The following MEGF9 variants were observed in gnomAD, a reference collection of about 807,000 sequenced individuals.
The protein encoded by MEGF9 is multiple EGF like domains 9.
Under a neutral mutation model 46.8 loss-of-function variants are expected in MEGF9, and 6 were observed. The ratio of observed to expected loss-of-function variants is 0.13; its 90% CI spans 0.07 to 0.25. The LOEUF (loss-of-function observed/expected upper bound fraction) is 0.25. Ranked by LOEUF, MEGF9 falls within the 10% of genes least tolerant of loss-of-function variation. The pLI, the probability that MEGF9 is intolerant of heterozygous loss-of-function variation, is 1.00. For synonymous variants in MEGF9, 302 were observed against 330.7 expected, an observed-to-expected ratio of 0.91 and a Z score of 0.94; for missense variants, 683 against 792.4, an observed-to-expected ratio of 0.86 and a Z score of 1.66.
intron 1 of MEGF9, among the ~76,000 whole-genome samples, chr9:120,662,294 C>A (rs966244335): frequency 8.5e-5 from 13 of 152,192 alleles, no homozygotes. Flanking sequence ...TGTCTCTGAA[C>A]CTTTGCTTAT....
chr9:120,611,865 A>AGAGAG (rs572613293), intron 4 of MEGF9, among the ~76,000 whole-genome samples: 1 of 137,154 alleles, frequency 7.3e-6, no homozygotes, highest in African/African-American at 3.0e-5. Flanking sequence ...GGAAGGAAGA[A>AGAGAG]AGAGAGAGAG....
At position 120,609,288 on chromosome 9, in the gene MEGF9, G is replaced by A. The variant is rs2043434059; in HGVS notation, c.1088-1278C>T. Among the ~76,000 whole-genome samples, 4 of 105,296 alleles carry A rather than the reference G, an allele frequency of 3.8e-5. No individual in the cohort carries two copies. The Admixed American group carries it at 4.8e-4, about 13-fold the overall frequency. The allele number at this position is 105,296 out of a possible 152,430, so 69.1% of individuals were successfully genotyped here. ...TTTGTACATACTACTTTCTCTGCAT[G>A]GGACATCCTCTTGTCTCTCTTTCTA... is the stretch of plus-strand genomic sequence containing the variant. On this transcript the variant is annotated intron_variant, in intron 4 of 5. Transcript: ENST00000373930.
rs1407411324 is a variant in MEGF9 at position 120,688,127 on chromosome 9, CGCA to C, written c.601+25628_601+25630del. Among the ~76,000 whole-genome samples the C allele has an allele frequency of 1.0e-3, 125 of 124,728 alleles. 1 individual carries two copies. Among genetic ancestry groups the C allele is most frequent in the African/African-American group, 3.5e-3 (120 of 34,096 alleles). The allele number at this position is 124,728 out of a possible 152,430, so 81.8% of individuals were successfully genotyped here. ...ATCTCTGAATGCATCATCTCCTCTC[CGCA>C]ACACACACACACACACACACACACA... On this transcript the variant is annotated intron_variant, in intron 1 of 5. Transcript: ENST00000373930.
intron 2 of MEGF9, among the ~76,000 whole-genome samples, chr9:120,627,472 T>G (rs1206729039): frequency 3.3e-5 from 5 of 152,206 alleles, no homozygotes; most frequent in Non-Finnish European, 7.3e-5. Flanking sequence ...CCTTTTTCTT[T>G]TTTTTGAGAT....
At chr9:120,618,278 A>G (rs1422056776) in intron 3 of MEGF9, among the ~76,000 whole-genome samples, 1 of 152,200 alleles carries the variant, frequency 6.6e-6, no homozygotes, top group African/African-American at 2.4e-5. Flanking sequence ...TGAACTGAGG[A>G]AGATGTAGTA....
At chr9:120,704,656 T>C (rs1473242148) in intron 1 of MEGF9, among the ~76,000 whole-genome samples, 1 of 152,168 alleles carries the variant, frequency 6.6e-6, no homozygotes, top group East Asian at 1.9e-4. Flanking sequence ...TATTCACCAA[T>C]AAAAGTACAG....
chr9:120,605,097 C>G lies in MEGF9; in HGVS notation c.*93G>C, dbSNP rs1364344365. The G allele has an allele frequency of 1.5e-5, 20 of 1,322,488 alleles. No homozygotes were observed. Among genetic ancestry groups the G allele is most frequent in the Non-Finnish European group, 2.0e-5 (19 of 966,500 alleles). The allele number at this position is 1,322,488 out of a possible 1,614,324, so 81.9% of individuals were successfully genotyped here. ...CAGATGCACTATTTGCCTTTGCTTT[C>G]TCAGCAAACTCTAGCCAGGCTTTGT... On this transcript the variant is annotated 3_prime_UTR_variant, in exon 6 of 6. Transcript: ENST00000373930. This position sits in a 1 kb window ranked among gnomAD's most constrained non-coding sequence, Gnocchi z 4.0.
At chr9:120,615,810 C>T (rs771861416) in intron 3 of MEGF9, among the ~76,000 whole-genome samples, 75 of 151,990 alleles carry the variant, frequency 4.9e-4, no homozygotes, top group African/African-American at 1.7e-3. Context: ...GGGAGGATCG[C>T]TTGAGTCTGG....
intron 2 of MEGF9, among the ~76,000 whole-genome samples, chr9:120,632,336 G>A (rs1313262606): frequency 7.5e-6 from 1 of 132,982 alleles, no homozygotes; most frequent in African/African-American, 2.7e-5. Flanking sequence ...ATTCCTAAGT[G>A]TTTTTTTTTT....
At chr9:120,664,839 T>G (rs2043717951) in intron 1 of MEGF9, among the ~76,000 whole-genome samples, 1 of 152,232 alleles carries the variant, frequency 6.6e-6, no homozygotes. Context: ...AAAACTCAAT[T>G]TCTGAGTCCT....
At chr9:120,638,484 C>T (rs2043588618) in intron 2 of MEGF9, among the ~76,000 whole-genome samples, 2 of 152,040 alleles carry the variant, frequency 1.3e-5, no homozygotes. Context: ...TCCTTTATAC[C>T]CAAGTTCTAA....
chr9:120,708,006 C>G (rs1263093358), intron 1 of MEGF9, among the ~76,000 whole-genome samples: 1 of 152,066 alleles, frequency 6.6e-6, no homozygotes, highest in Non-Finnish European at 1.5e-5. Context: ...GACGGTGCCA[C>G]TGCACTCCAG....
At chr9:120,639,508 TAAAAAAAAA>T (rs61638928) in intron 2 of MEGF9, among the ~76,000 whole-genome samples, 2 of 105,182 alleles carry the variant, frequency 1.9e-5, no homozygotes, top group African/African-American at 3.9e-5. Flanking sequence ...ACTCCGTCTT[TAAAAAAAAA>T]AAAAAAAAAA....
intron 2 of MEGF9, among the ~76,000 whole-genome samples, chr9:120,642,858 A>T (rs917149396): frequency 2.0e-5 from 3 of 152,244 alleles, no homozygotes; most frequent in Admixed American, 6.5e-5. Context: ...TGCTTTTGGC[A>T]ATGTGAGAAA....
chr9:120,682,325 T>G (rs191895200), intron 1 of MEGF9, among the ~76,000 whole-genome samples: 85 of 152,334 alleles, frequency 5.6e-4, no homozygotes, highest in African/African-American at 1.9e-3. Flanking sequence ...GGGACCAGAT[T>G]TGCCTTACTG....
intron 1 of MEGF9, among the ~76,000 whole-genome samples, chr9:120,662,616 A>C (rs1449644713): frequency 1.3e-5 from 2 of 152,240 alleles, no homozygotes; most frequent in Non-Finnish European, 2.9e-5. Flanking sequence ...AACAGGGCAT[A>C]ATAATAGTAG....
At chr9:120,699,152 C>G (rs1171793963) in intron 1 of MEGF9, among the ~76,000 whole-genome samples, 1 of 152,082 alleles carries the variant, frequency 6.6e-6, no homozygotes, top group Admixed American at 6.6e-5. Context: ...TTTTTGGTGA[C>G]ATGATAAATA....
intron 2 of MEGF9, among the ~76,000 whole-genome samples, chr9:120,639,149 T>G (rs1298502805): frequency 6.6e-6 from 1 of 152,226 alleles, no homozygotes; most frequent in Non-Finnish European, 1.5e-5. Context: ...TTTAATCCAG[T>G]TGAATGTATA....
At chr9:120,622,416 A>ATTTTTTTTTTTTTTTTT (rs1564414082) in intron 3 of MEGF9, among the ~76,000 whole-genome samples, 200 bp downstream of exon 3, 2 of 36,050 alleles carry the variant, frequency 5.5e-5, no homozygotes, top group African/African-American at 6.7e-5. Flanking sequence ...TAGGTATATG[A>ATTTTTTTTTTTTTTTTT]CTTTTTTTTT....
Sources: gnomAD v4.1 joint callset for allele counts (sites outside exome capture counted in the v4.1 genomes callset) on GRCh38, gnomAD v4.1.1 for gene constraint, Gnocchi (gnomAD v3.1) non-coding constraint, MANE v1.5 for transcripts, NCBI Gene and HGNC (gene_info 2026-07-23, HGNC 2026-07-21) for gene names.